PTPRT: variants seen among roughly 807,000 people sequenced by gnomAD.
PTPRT encodes receptor-type tyrosine-protein phosphatase T.
A neutral mutation model predicts 176.8 loss-of-function variants in PTPRT; 56 were observed. That is an observed-to-expected ratio of 0.32 (90% confidence interval 0.26 to 0.40). The LOEUF (loss-of-function observed/expected upper bound fraction) is 0.40, where lower values mean the gene tolerates loss of function less well. Ranked by LOEUF, PTPRT falls within the 10% of genes least tolerant of loss-of-function variation. PTPRT has a pLI of 1.00. For synonymous variants in PTPRT, 783 were observed against 739.0 expected (o/e 1.06, Z -0.96); for missense variants, 1,540 against 1,908.2 (o/e 0.81, Z 3.60).
intron 1 of PTPRT, among the ~76,000 whole-genome samples, chr20:43,069,687 A>G (rs894682147): frequency 4.6e-5 from 7 of 152,204 alleles, no homozygotes; most frequent in Non-Finnish European, 1.0e-4. Context: ...AGGCAAGTTT[A>G]TAATGAGGAC....
chr20:42,208,852 C>T (rs1380096724), intron 15 of PTPRT, among the ~76,000 whole-genome samples: 1 of 152,122 alleles, frequency 6.6e-6, no homozygotes, highest in Non-Finnish European at 1.5e-5. Flanking sequence ...TTTTTTTCAG[C>T]ACCACACCAC....
intron 7 of PTPRT, among the ~76,000 whole-genome samples, chr20:42,509,461 T>C (rs2071910964): frequency 8.3e-6 from 1 of 120,352 alleles, no homozygotes; most frequent in Admixed American, 9.4e-5. Context: ...AATTTATAGA[T>C]ATAAATTATA....
chr20:42,154,402 C>G (rs533152687), intron 17 of PTPRT, among the ~76,000 whole-genome samples: 1 of 152,288 alleles, frequency 6.6e-6, no homozygotes, highest in East Asian at 1.9e-4. Flanking sequence ...TGCCATCACC[C>G]CATCACCCAC....
chr20:43,094,091 C>CTTTCTT (rs1276849426), intron 1 of PTPRT, among the ~76,000 whole-genome samples: 1 of 130,700 alleles, frequency 7.7e-6, no homozygotes, highest in South Asian at 2.4e-4. Context: ...TTCTTTCTTT[C>CTTTCTT]TTTTTTTTTT....
At chr20:42,382,554 TG>T (rs1196559034) in intron 9 of PTPRT, among the ~76,000 whole-genome samples, 1 of 152,082 alleles carries the variant, frequency 6.6e-6, no homozygotes, top group Non-Finnish European at 1.5e-5. Context: ...ACAGACTGCC[TG>T]GGCCAGGTGG....
At chr20:42,238,574 C>T (rs2056290024) in intron 14 of PTPRT, among the ~76,000 whole-genome samples, 1 of 152,228 alleles carries the variant, frequency 6.6e-6, no homozygotes, top group African/African-American at 2.4e-5. Flanking sequence ...GGACACAAAA[C>T]TCAGGGTCCA....
intron 1 of PTPRT, among the ~76,000 whole-genome samples, chr20:43,027,514 A>T (rs1034427612): frequency 1.5e-4 from 23 of 151,642 alleles, no homozygotes; most frequent in Non-Finnish European, 2.8e-4. Flanking sequence ...CTTTAATTCA[A>T]TCTGACTGGT....
chr20:42,177,151 T>C (rs1191505554), intron 16 of PTPRT, among the ~76,000 whole-genome samples: 1 of 152,208 alleles, frequency 6.6e-6, no homozygotes, highest in African/African-American at 2.4e-5. Context: ...TCTAGAGATC[T>C]TCTATAGGCA....
Position 42,741,562 on chromosome 20 carries a change from T to A in PTPRT, c.859+14900A>T, listed in dbSNP as rs544152300. ...GGTTTCACCATGTTGGCCAGGCTGG[T>A]CTCGAACTCCTCACCTCAGGTGATC... On this transcript the variant is annotated intron_variant, in intron 6 of 30. Transcript: ENST00000373187. Among the ~76,000 whole-genome samples, 20 of 152,194 alleles carry A rather than the reference T, an allele frequency of 1.3e-4. No individual in the cohort carries two copies. In the South Asian group the frequency reaches 3.1e-3, roughly 24 times the overall value.
At chr20:43,006,773 C>T (rs1600642374) in intron 1 of PTPRT, among the ~76,000 whole-genome samples, 1 of 152,334 alleles carries the variant, frequency 6.6e-6, no homozygotes, top group East Asian at 1.9e-4. Context: ...CTCAGCAGTG[C>T]CCCTCACCAG....
chr20:42,188,636 T>C (rs1343099393), intron 16 of PTPRT, among the ~76,000 whole-genome samples: 1 of 152,130 alleles, frequency 6.6e-6, no homozygotes, highest in Non-Finnish European at 1.5e-5. Flanking sequence ...GGGAAATTGG[T>C]CTCTAAGCTC....
chr20:42,262,869 T>C (rs2056773036), intron 13 of PTPRT, among the ~76,000 whole-genome samples: 1 of 152,202 alleles, frequency 6.6e-6, no homozygotes, highest in Non-Finnish European at 1.5e-5. Flanking sequence ...TTGCAGTTCT[T>C]TGTGCCAAGT....
intron 25 of PTPRT, among the ~76,000 whole-genome samples, chr20:42,103,164 A>G (rs182367563): frequency 6.6e-6 from 1 of 152,302 alleles, no homozygotes; most frequent in Admixed American, 6.5e-5. Flanking sequence ...GTCTTGGGAT[A>G]AAGGGCTGGA....
At chr20:43,138,063 C>A (rs1033371823) in intron 1 of PTPRT, among the ~76,000 whole-genome samples, 1 of 152,268 alleles carries the variant, frequency 6.6e-6, no homozygotes, top group Non-Finnish European at 1.5e-5. Context: ...CAAAGCTGAC[C>A]TCTGTTGTGA....
At chr20:42,549,633 T>G (rs2072733350) in intron 7 of PTPRT, among the ~76,000 whole-genome samples, 1 of 152,126 alleles carries the variant, frequency 6.6e-6, no homozygotes. Flanking sequence ...TGGAGAACTA[T>G]CCATGTGAAG....
intron 3 of PTPRT, among the ~76,000 whole-genome samples, chr20:42,786,611 TC>T (rs1233066538): frequency 1.3e-5 from 2 of 152,064 alleles, no homozygotes; most frequent in Non-Finnish European, 2.9e-5. Flanking sequence ...AAATGTCCTT[TC>T]CCCCCATGCC....
At chr20:42,856,262 G>A (rs1446383539) in intron 2 of PTPRT, among the ~76,000 whole-genome samples, 2 of 152,064 alleles carry the variant, frequency 1.3e-5, no homozygotes, top group Admixed American at 6.5e-5. Context: ...CAAGTAAATT[G>A]GGAAAATAGC....
chr20:42,462,553 A>C (rs2071038318), intron 8 of PTPRT, among the ~76,000 whole-genome samples: 1 of 152,220 alleles, frequency 6.6e-6, no homozygotes, highest in Non-Finnish European at 1.5e-5. Context: ...CAAGGTAGCA[A>C]GTCCTAGTGG....
At chr20:42,144,732 C>G (rs1988785822) in intron 17 of PTPRT, among the ~76,000 whole-genome samples, 1 of 152,184 alleles carries the variant, frequency 6.6e-6, no homozygotes, top group African/African-American at 2.4e-5. Context: ...CATGCCCTTT[C>G]ATTGCTTCTG....
Sources: allele counts gnomAD v4.1 joint callset (sites outside exome capture counted in the v4.1 genomes callset), GRCh38; gene constraint gnomAD v4.1.1; transcripts MANE v1.5; gene names NCBI Gene and HGNC (gene_info 2026-07-23, HGNC 2026-07-21).